KCNMA1: variants seen among roughly 807,000 people sequenced by gnomAD.
KCNMA1 encodes potassium calcium-activated channel subfamily M alpha 1.
Under a neutral mutation model 140.0 loss-of-function variants are expected in KCNMA1, and 29 were observed. The observed-to-expected ratio is 0.21, with a 90% confidence interval of 0.15 to 0.28. KCNMA1 has a LOEUF of 0.28. KCNMA1 is among the 10% of genes least tolerant of loss of function. The pLI is 1.00. For synonymous variants in KCNMA1, 612 were observed against 611.9 expected (o/e 1.00, Z 0.00); for missense variants, 880 against 1,602.2 (o/e 0.55, Z 7.70).
chr10:77,338,792 T>G (rs1392293238), intron 2 of KCNMA1, among the ~76,000 whole-genome samples: 1 of 152,242 alleles, frequency 6.6e-6, no homozygotes, highest in Non-Finnish European at 1.5e-5. Flanking sequence ...CACTCAGAAC[T>G]GCCATTGGGC....
chr10:77,569,861 G>A (rs1178315369), intron 1 of KCNMA1, among the ~76,000 whole-genome samples: 16 of 151,858 alleles, frequency 1.1e-4, no homozygotes, highest in African/African-American at 1.7e-4. Context: ...AATATCCAGA[G>A]TCTACAATGA....
At chr10:77,046,875 T>C (rs11001988) in intron 14 of KCNMA1, among the ~76,000 whole-genome samples, 3,437 of 152,310 alleles carry the variant, frequency 0.023, 60 homozygotes, top group South Asian at 0.054. Flanking sequence ...CACAGCTTTC[T>C]GGGGTGGAGT....
chr10:77,241,191 G>A (rs958367771), intron 3 of KCNMA1, among the ~76,000 whole-genome samples: 1 of 152,186 alleles, frequency 6.6e-6, no homozygotes, highest in African/African-American at 2.4e-5. Context: ...TTTCCAGAAG[G>A]ATGGGGCTGT....
chr10:77,458,857 C>T (rs552161919), intron 1 of KCNMA1, among the ~76,000 whole-genome samples: 1 of 152,338 alleles, frequency 6.6e-6, no homozygotes, highest in South Asian at 2.1e-4. Flanking sequence ...CTTAGTTCCT[C>T]AGTCCACTAG....
At position 77,532,768 on chromosome 10, in the gene KCNMA1, T is replaced by G. The variant is rs551142210; in HGVS notation, c.378+104497A>C. Among the ~76,000 whole-genome samples, 5 of 147,406 alleles carry G rather than the reference T, an allele frequency of 3.4e-5. No individual in the cohort carries two copies. In the South Asian group the frequency reaches 1.0e-3, roughly 31 times the overall value. ...AGACATAAAGAAGCAAATGGTTTTT[T>G]CAAAGTAACCCTGATAGTCAATAGC... On this transcript the variant is annotated intron_variant, in intron 1 of 27. Coordinates refer to ENST00000286628, the MANE Select transcript of KCNMA1 (RefSeq NM_001161352.2).
chr10:77,324,942 T>A (rs1429766952), intron 2 of KCNMA1, among the ~76,000 whole-genome samples: 2 of 65,928 alleles, frequency 3.0e-5, no homozygotes, highest in Non-Finnish European at 6.1e-5. Flanking sequence ...AGCTCTAGAC[T>A]CTCTCTCTCT....
At chr10:77,365,677 T>G (rs1375171665) in intron 2 of KCNMA1, among the ~76,000 whole-genome samples, 4 of 152,174 alleles carry the variant, frequency 2.6e-5, no homozygotes, top group Admixed American at 6.5e-5. Flanking sequence ...CCTCCATCCA[T>G]CCTTTTATAG....
At chr10:77,477,816 T>C (rs1258997804) in intron 1 of KCNMA1, among the ~76,000 whole-genome samples, 1 of 152,236 alleles carries the variant, frequency 6.6e-6, no homozygotes, top group East Asian at 1.9e-4. Flanking sequence ...CAGCAAAGCC[T>C]AAGACATATG....
In KCNMA1 at chr10:77,317,756, T is replaced by C. The variant is rs151143533; in HGVS notation, c.541-66500A>G. ...TCATTTTTGTCAGATGCTGGCAAAATTTCCTCATCAGGGAAGATAAATTCG... is the reference window on the plus strand; with the variant it reads ...TCATTTTTGTCAGATGCTGGCAAAACTTCCTCATCAGGGAAGATAAATTCG... On this transcript the variant is annotated intron_variant, in intron 2 of 27. Transcript: ENST00000286628. 2.6e-4 allele frequency among the ~76,000 whole-genome samples: 40 copies of C among 152,332 alleles called. No homozygotes were observed. The East Asian group carries it at 7.3e-3, about 28-fold the overall frequency.
chr10:77,206,961 A>G (rs1321274860), intron 3 of KCNMA1, among the ~76,000 whole-genome samples: 2 of 151,924 alleles, frequency 1.3e-5, no homozygotes, highest in African/African-American at 4.8e-5. Context: ...ATTTTTTTGT[A>G]CTCACAAAAA....
At chr10:76,953,380 C>A (rs530114029) in intron 21 of KCNMA1, among the ~76,000 whole-genome samples, 1 of 152,300 alleles carries the variant, frequency 6.6e-6, no homozygotes, top group African/African-American at 2.4e-5. Flanking sequence ...TTAATCTTCA[C>A]TACAGCCCTA....
intron 19 of KCNMA1, chr10:76,978,597 A>G (rs1358689160): frequency 6.6e-6 from 1 of 152,224 alleles, no homozygotes; most frequent in Non-Finnish European, 1.5e-5. Flanking sequence ...CAACCCATAC[A>G]TTTAACAAAG....
chr10:77,171,611 A>G (rs1231890853), intron 5 of KCNMA1, among the ~76,000 whole-genome samples: 1 of 152,164 alleles, frequency 6.6e-6, no homozygotes, highest in Non-Finnish European at 1.5e-5. Flanking sequence ...CAGTCTGGCC[A>G]GGAGGACGTG....
intron 2 of KCNMA1, among the ~76,000 whole-genome samples, chr10:77,358,816 A>G (rs1603391216): frequency 6.6e-6 from 1 of 152,374 alleles, no homozygotes; most frequent in East Asian, 1.9e-4. Context: ...AACATGTCCA[A>G]GGTCCTCCTA....
At chr10:76,947,551 T>C (rs1479221522) in intron 22 of KCNMA1, among the ~76,000 whole-genome samples, 2 of 152,168 alleles carry the variant, frequency 1.3e-5, no homozygotes, top group African/African-American at 4.8e-5. Context: ...GAGGAGCACA[T>C]GACAGAAAGA....
At chr10:77,541,034 C>A in intron 1 of KCNMA1, among the ~76,000 whole-genome samples, 1 of 148,770 alleles carries the variant, frequency 6.7e-6, no homozygotes, top group Admixed American at 6.7e-5. Context: ...ACTAGGAGAA[C>A]AGAATATGAT....
rs1454612739 is a variant in KCNMA1, at chr10:77,346,748, C to A, written c.540+57114G>T. Among the ~76,000 whole-genome samples, 6 of 152,164 alleles carry A rather than the reference C, an allele frequency of 3.9e-5. No individual in the cohort carries two copies. The East Asian group carries it at 1.2e-3, about 29-fold the overall frequency. On this transcript the variant is annotated intron_variant, in intron 2 of 27. Transcript: ENST00000286628. The stretch of plus-strand genomic sequence containing the variant: ...AAGCATGCACATATCAATGGGCCAC[C>A]ATCTGTGGCAGAATTACCAGACCCA...
At chr10:76,920,719 G>C (rs1476078919) in intron 23 of KCNMA1, among the ~76,000 whole-genome samples, 1 of 152,234 alleles carries the variant, frequency 6.6e-6, no homozygotes, top group Non-Finnish European at 1.5e-5. Context: ...CAGCCAGGCA[G>C]TCTGACCTCA....
chr10:77,421,065 C>T (rs2096856470), intron 1 of KCNMA1, among the ~76,000 whole-genome samples: 1 of 152,254 alleles, frequency 6.6e-6, no homozygotes, highest in African/African-American at 2.4e-5. Context: ...TGCTCTGGCA[C>T]ATCTGGCCTT....
Sources: allele counts gnomAD v4.1 joint callset (sites outside exome capture counted in the v4.1 genomes callset), GRCh38; gene constraint gnomAD v4.1.1; transcripts MANE v1.5; gene names NCBI Gene and HGNC (gene_info 2026-07-23, HGNC 2026-07-21).